THNSL1: variants seen among roughly 807,000 people sequenced by gnomAD.
THNSL1 encodes the protein threonine synthase like 1, also known as threonine synthase-like 1.
Under a neutral mutation model 50.4 loss-of-function variants are expected in THNSL1, and 48 were observed. That is an observed-to-expected ratio of 0.95 (90% CI 0.76 to 1.21). THNSL1 has a LOEUF of 1.21. Among genes scored for constraint, THNSL1 ranks in the 50% most tolerant of loss-of-function variants. The pLI is 0.00. For missense variants in THNSL1, 896 were observed against 871.7 expected (o/e 1.03, Z -0.35); for synonymous variants, 309 against 306.1 (o/e 1.01, Z -0.10).
chr10:24,952,683 G>T, the THNSL1 span: 1 of 370,198 alleles, frequency 2.7e-6, no homozygotes, highest in Non-Finnish European at 5.4e-6. This position sits in a 1 kb window ranked among gnomAD's most constrained non-coding sequence, Gnocchi z 5.1. Context: ...CGGGGACGGG[G>T]ACGGGGACGG....
At chr10:24,995,318 C>T in the THNSL1 span, among the ~76,000 whole-genome samples, 5 of 152,158 alleles carry the variant, frequency 3.3e-5, no homozygotes, top group Non-Finnish European at 7.3e-5. Context: ...TCTAGATTTA[C>T]AGTAATGACT....
the THNSL1 span, among the ~76,000 whole-genome samples, chr10:24,988,250 ATGTGTATATATATATTTATATATATG>A: frequency 7.1e-6 from 1 of 140,292 alleles, no homozygotes; most frequent in Non-Finnish European, 1.5e-5. Context: ...ATATATATAT[ATGTGTATATATATATTTATATATATG>A]TGTATATATA....
At chr10:24,968,604 C>T in the THNSL1 span, among the ~76,000 whole-genome samples, 2 of 152,194 alleles carry the variant, frequency 1.3e-5, no homozygotes, top group Admixed American at 6.5e-5. Flanking sequence ...TCTTCTCCTC[C>T]TTTGTATGCC....
the THNSL1 span, among the ~76,000 whole-genome samples, chr10:25,006,169 C>A: frequency 6.6e-6 from 1 of 152,136 alleles, no homozygotes; most frequent in Non-Finnish European, 1.5e-5. Flanking sequence ...CAGATAGCTG[C>A]ACACCCAGAG....
At chr10:25,013,242 G>A (rs1320756235), upstream of THNSL1, among the ~76,000 whole-genome samples, 1 of 152,160 alleles carries the variant, frequency 6.6e-6, no homozygotes, top group Non-Finnish European at 1.5e-5. Context: ...CGTGAGAACA[G>A]ACTAATATAC....
chr10:24,958,359 C>T, the THNSL1 span, among the ~76,000 whole-genome samples: 3 of 152,044 alleles, frequency 2.0e-5, no homozygotes, highest in African/African-American at 4.8e-5. Flanking sequence ...TCCATAGTGC[C>T]GAACAAAACT....
At chr10:24,992,423 C>G in the THNSL1 span, among the ~76,000 whole-genome samples, 1 of 152,304 alleles carries the variant, frequency 6.6e-6, no homozygotes, top group Non-Finnish European at 1.5e-5. Context: ...ATATTCTGTT[C>G]TCCTTCTAGA....
chr10:24,980,964 A>G, the THNSL1 span, among the ~76,000 whole-genome samples: 1 of 152,076 alleles, frequency 6.6e-6, no homozygotes, highest in African/African-American at 2.4e-5. Context: ...CAAGTGATCC[A>G]CCCACCTCAG....
the THNSL1 span, among the ~76,000 whole-genome samples, chr10:24,962,571 G>T: frequency 3.9e-5 from 6 of 152,294 alleles, no homozygotes; most frequent in East Asian, 1.2e-3. Context: ...TTTTCTAAGT[G>T]TCTGTAAAAA....
chr10:24,955,168 G>T, the THNSL1 span, among the ~76,000 whole-genome samples: 1 of 152,176 alleles, frequency 6.6e-6, no homozygotes, highest in Non-Finnish European at 1.5e-5. Context: ...GAGCAAGGGT[G>T]TAGTGCCACA....
the THNSL1 span, among the ~76,000 whole-genome samples, chr10:24,991,416 C>G: frequency 6.6e-6 from 1 of 151,996 alleles, no homozygotes; most frequent in African/African-American, 2.4e-5. Flanking sequence ...CCCCGAGACC[C>G]TAGCAGGCAG....
chr10:24,968,268 A>G, the THNSL1 span, among the ~76,000 whole-genome samples: 1 of 152,160 alleles, frequency 6.6e-6, no homozygotes, highest in African/African-American at 2.4e-5. Context: ...CTCTGACATC[A>G]GTCCTTCTCC....
At chr10:24,982,481 A>G in the THNSL1 span, 6 of 152,224 alleles carry the variant, frequency 3.9e-5, no homozygotes, top group Non-Finnish European at 7.3e-5. Flanking sequence ...AGAGAAACCA[A>G]GTCAAACTAG....
chr10:25,003,841 G>A, the THNSL1 span, among the ~76,000 whole-genome samples: 16 of 152,100 alleles, frequency 1.1e-4, no homozygotes, highest in Non-Finnish European at 2.1e-4. Context: ...CCCAGCCTCC[G>A]ATAGGCCCCA....
chr10:24,985,113 T>C, the THNSL1 span, among the ~76,000 whole-genome samples: 1 of 152,226 alleles, frequency 6.6e-6, no homozygotes, highest in Non-Finnish European at 1.5e-5. Context: ...GTGTGCTCAG[T>C]TCCCACTGGG....
At chr10:25,015,153 C>T (rs1406351723), upstream of THNSL1, among the ~76,000 whole-genome samples, 2 of 152,154 alleles carry the variant, frequency 1.3e-5, no homozygotes, top group Non-Finnish European at 2.9e-5. Flanking sequence ...TCTAAGAAGT[C>T]CCTACAGATG....
chr10:24,966,631 G>A, the THNSL1 span, among the ~76,000 whole-genome samples: 1 of 152,198 alleles, frequency 6.6e-6, no homozygotes, highest in Non-Finnish European at 1.5e-5. Flanking sequence ...GGATGCTGGA[G>A]ATTAAGTGAA....
chr10:25,023,375 C>G lies in THNSL1; in HGVS notation c.152C>G (p.Ser51Cys). 6.2e-7 allele frequency: 1 copy of G among 1,614,174 alleles called. No homozygotes were observed. Among genetic ancestry groups the G allele is most frequent in the Non-Finnish European group, 8.5e-7 (1 of 1,180,002 alleles). Reference protein sequence around the residue: ...ELRKSWYSTHSLVGDKNIILM... With the variant: ...ELRKSWYSTHCLVGDKNIILM... ...AGGAAGTCATGGTATTCAACCCACTCTCTTGTTGGAGACAAAAATATTATC... is the reference window on the plus strand; with the variant it reads ...AGGAAGTCATGGTATTCAACCCACTGTCTTGTTGGAGACAAAAATATTATC... The change falls in exon 3 of 3, where the codon TCT becomes TGT. Residue 51 changes from serine (S) to cysteine (C), a missense_variant. Ser to Cys is a moderately radical substitution (Grantham distance 112). Coordinates refer to ENST00000376356, the MANE Select transcript of THNSL1 (RefSeq NM_024838.5).
chr10:25,025,711 TG>T lies in THNSL1; in HGVS notation c.*257del. On this transcript the variant is annotated 3_prime_UTR_variant, in exon 3 of 3. Coordinates refer to ENST00000376356, the MANE Select transcript of THNSL1 (RefSeq NM_024838.5). ...ACTTTTGCCTTCTGCTCATGAGGGGTGTATCAATTTCCACTCCCACACCCTC... is the reference window on the plus strand; with the variant it reads ...ACTTTTGCCTTCTGCTCATGAGGGGTTATCAATTTCCACTCCCACACCCTC... 2.5e-6 allele frequency: 1 copy of T among 400,698 alleles called. No homozygotes were observed. Among genetic ancestry groups the T allele is most frequent in the Non-Finnish European group, 4.6e-6 (1 of 215,380 alleles). 24.8% of individuals were successfully genotyped at this position (400,698 alleles called of 1,614,324 possible).
Sources: allele counts gnomAD v4.1 joint callset (sites outside exome capture counted in the v4.1 genomes callset), GRCh38; gene constraint gnomAD v4.1.1; non-coding constraint Gnocchi (gnomAD v3.1); transcripts MANE v1.5; gene names NCBI Gene and HGNC (gene_info 2026-07-23, HGNC 2026-07-21).